The following PHACTR1 variants were observed in gnomAD, a reference collection of about 807,000 sequenced individuals.
PHACTR1 encodes RPEL repeat containing 1.
In PHACTR1, 16 loss-of-function variants were observed where a neutral mutation model predicts 69.2. The observed-to-expected ratio is 0.23, with a 90% CI of 0.16 to 0.35. The LOEUF (loss-of-function observed/expected upper bound fraction) is 0.35. Among genes scored for constraint, PHACTR1 ranks in the 10% least tolerant of loss-of-function variants. The pLI is 1.00. For missense variants in PHACTR1, 510 were observed against 734.7 expected, an observed-to-expected ratio of 0.69 and a Z score of 3.54; for synonymous variants, 312 against 284.5, an observed-to-expected ratio of 1.10 and a Z score of -0.97.
At chr6:12,754,499 T>C (rs185312859) in intron 4 of PHACTR1, among the ~76,000 whole-genome samples, 1 of 152,342 alleles carries the variant, frequency 6.6e-6, no homozygotes, top group Non-Finnish European at 1.5e-5. Context: ...AGAATTCAAA[T>C]GGTGGATCTC....
chr6:13,011,653 G>C (rs1799462937), intron 4 of PHACTR1, among the ~76,000 whole-genome samples: 1 of 152,362 alleles, frequency 6.6e-6, no homozygotes, highest in African/African-American at 2.4e-5. Context: ...AATGAGGTCA[G>C]ATGGGGTTTC....
intron 4 of PHACTR1, among the ~76,000 whole-genome samples, chr6:13,014,548 G>C (rs913273717): frequency 2.0e-5 from 3 of 152,150 alleles, no homozygotes; most frequent in Non-Finnish European, 2.9e-5. Context: ...ACTGCGTTAC[G>C]GACATGGGCT....
rs16873882 is a variant in PHACTR1, at chr6:13,248,049, T to C, written c.1391+17856T>C. Among the ~76,000 whole-genome samples the C allele has an allele frequency of 8.3e-3, 1,257 of 152,348 alleles. 18 individuals carry two copies. Among genetic ancestry groups the C allele is most frequent in the African/African-American group, 0.028 (1,183 of 41,576 alleles). Reference sequence around the variant, plus strand: ...GGCACTGCCTTTATATTCATGGAACTGTGAGCAGGCAGCTTCTCCCTGAAG... The same window carrying C: ...GGCACTGCCTTTATATTCATGGAACCGTGAGCAGGCAGCTTCTCCCTGAAG... On this transcript the variant is annotated intron_variant, in intron 10 of 14. Transcript: ENST00000332995.
intron 4 of PHACTR1, among the ~76,000 whole-genome samples, chr6:12,770,314 C>T (rs992974285): frequency 2.0e-5 from 3 of 152,184 alleles, no homozygotes; most frequent in Admixed American, 6.5e-5. Flanking sequence ...GCATGCCCCT[C>T]GTTTTTGGGA....
At chr6:13,248,859 A>T (rs757230403) in intron 10 of PHACTR1, among the ~76,000 whole-genome samples, 1 of 152,238 alleles carries the variant, frequency 6.6e-6, no homozygotes, top group Non-Finnish European at 1.5e-5. Flanking sequence ...CACAGCGGAG[A>T]GAAAGTTGGC....
chr6:13,158,999 G>C (rs554536412), intron 5 of PHACTR1, among the ~76,000 whole-genome samples: 1 of 152,198 alleles, frequency 6.6e-6, no homozygotes, highest in Non-Finnish European at 1.5e-5. Flanking sequence ...GACTGCGCCA[G>C]CTGCTGGAAT....
intron 4 of PHACTR1, among the ~76,000 whole-genome samples, chr6:12,779,008 C>A (rs1770457402): frequency 2.0e-5 from 3 of 152,144 alleles, no homozygotes; most frequent in African/African-American, 7.2e-5. Flanking sequence ...TGACATCCTG[C>A]ATAACTGTAC....
chr6:12,782,404 T>C (rs1047616123), intron 4 of PHACTR1, among the ~76,000 whole-genome samples: 2 of 152,180 alleles, frequency 1.3e-5, no homozygotes, highest in African/African-American at 4.8e-5. Flanking sequence ...TCCAGTATAA[T>C]GTCAGGCCAT....
intron 4 of PHACTR1, among the ~76,000 whole-genome samples, chr6:12,888,542 CAA>C (rs1479100869): frequency 6.6e-6 from 1 of 152,124 alleles, no homozygotes; most frequent in Non-Finnish European, 1.5e-5. Context: ...TTTAAAACCT[CAA>C]GTCATGAAAA....
intron 7 of PHACTR1, among the ~76,000 whole-genome samples, chr6:13,198,475 A>G (rs1764733734): frequency 1.3e-5 from 2 of 152,176 alleles, no homozygotes; most frequent in African/African-American, 4.8e-5. Flanking sequence ...ACGCTATGCC[A>G]CACGGTTTAT....
At chr6:13,214,941 G>A (rs998336452) in intron 8 of PHACTR1, among the ~76,000 whole-genome samples, 3 of 151,948 alleles carry the variant, frequency 2.0e-5, no homozygotes, top group African/African-American at 7.3e-5. Flanking sequence ...GCCACCTATG[G>A]GCCTTAAAAA....
At chr6:13,197,804 A>G (rs1764643100) in intron 7 of PHACTR1, among the ~76,000 whole-genome samples, 1 of 152,188 alleles carries the variant, frequency 6.6e-6, no homozygotes. Context: ...CTCCCAGAGC[A>G]GTGCTGGGAT....
At chr6:13,228,466 C>T (rs1220403805) in intron 9 of PHACTR1, among the ~76,000 whole-genome samples, 1 of 152,142 alleles carries the variant, frequency 6.6e-6, no homozygotes, top group African/African-American at 2.4e-5. Flanking sequence ...TTAAGCATAC[C>T]TCAGCAACTT....
At chr6:12,983,490 T>C (rs1795761891) in intron 4 of PHACTR1, among the ~76,000 whole-genome samples, 1 of 152,138 alleles carries the variant, frequency 6.6e-6, no homozygotes, top group Admixed American at 6.5e-5. Flanking sequence ...AAGAGGATAA[T>C]GTTAAGTAGA....
intron 4 of PHACTR1, among the ~76,000 whole-genome samples, chr6:12,823,583 A>G (rs182100486): frequency 1.3e-3 from 199 of 152,346 alleles, no homozygotes; most frequent in African/African-American, 4.6e-3. Context: ...TTGGAGATCC[A>G]TATGGAATGT....
chr6:13,215,066 G>A (rs116746985), intron 8 of PHACTR1, among the ~76,000 whole-genome samples: 115 of 152,266 alleles, frequency 7.6e-4, no homozygotes, highest in Non-Finnish European at 1.5e-3. Context: ...AAAATTTCAG[G>A]CAATTACTGA....
At chr6:12,733,313 T>C (rs1257840770) in intron 3 of PHACTR1, among the ~76,000 whole-genome samples, 1 of 152,206 alleles carries the variant, frequency 6.6e-6, no homozygotes, top group East Asian at 1.9e-4. Flanking sequence ...CAAACACTGT[T>C]TATTAAATAC....
intron 5 of PHACTR1, among the ~76,000 whole-genome samples, chr6:13,076,499 C>A (rs1337956232): frequency 1.3e-5 from 2 of 152,166 alleles, no homozygotes; most frequent in Non-Finnish European, 2.9e-5. Context: ...GAGTTACGTT[C>A]ATTGGGGTAT....
At chr6:13,110,957 ATATTTGAAGTCTTTTC>A (rs1348033357) in intron 5 of PHACTR1, among the ~76,000 whole-genome samples, 1 of 150,644 alleles carries the variant, frequency 6.6e-6, no homozygotes, top group Non-Finnish European at 1.5e-5. Context: ...CTCTCTTTTT[ATATTTGAAGTCTTTTC>A]TATAATATTC....
Sources: allele counts gnomAD v4.1 joint callset (sites outside exome capture counted in the v4.1 genomes callset), GRCh38; gene constraint gnomAD v4.1.1; transcripts MANE v1.5; gene names NCBI Gene and HGNC (gene_info 2026-07-23, HGNC 2026-07-21).